DOCK9: variants seen among roughly 807,000 people sequenced by gnomAD.
The protein encoded by DOCK9 is dedicator of cytokinesis 9, also known as dedicator of cytokinesis protein 9.
DOCK9 carries 89 observed loss-of-function variants against 263.3 expected under a neutral mutation model. The ratio of observed to expected loss-of-function variants is 0.34; its 90% CI spans 0.28 to 0.40. DOCK9 has a LOEUF of 0.40. Among genes scored for constraint, DOCK9 ranks in the 10% least tolerant of loss-of-function variants. DOCK9 has a pLI of 1.00. For missense variants in DOCK9, 2,140 were observed against 2,603.4 expected, an observed-to-expected ratio of 0.82 and a Z score of 3.87; for synonymous variants, 976 against 973.1, an observed-to-expected ratio of 1.00 and a Z score of -0.06.
intron 1 of DOCK9, among the ~76,000 whole-genome samples, chr13:98,956,791 T>A (rs754648806): frequency 3.3e-5 from 5 of 152,176 alleles, no homozygotes; most frequent in Non-Finnish European, 5.9e-5. Flanking sequence ...ATATCAATAG[T>A]TACTAGAAGA....
chr13:99,051,112 T>C (rs935218827), intron 1 of DOCK9, among the ~76,000 whole-genome samples: 1 of 152,134 alleles, frequency 6.6e-6, no homozygotes, highest in Non-Finnish European at 1.5e-5. Flanking sequence ...CTGTGTTCTG[T>C]GCAACTTCCA....
upstream of DOCK9, among the ~76,000 whole-genome samples, chr13:98,979,214 T>TAGCAGCAGCAGC (rs1210426316): frequency 5.4e-5 from 7 of 128,484 alleles, no homozygotes; most frequent in African/African-American, 2.1e-4. Context: ...GTAGTAGTAG[T>TAGCAGCAGCAGC]AGTAGTAGTA....
exon 1 of DOCK9, chr13:99,086,459 G>GCGC (rs1354885492): frequency 2.7e-5 from 20 of 739,142 alleles, no homozygotes; most frequent in Non-Finnish European, 2.8e-5. Flanking sequence ...GCCGCTCCCG[G>GCGC]CGCCGCCGCC....
chr13:98,813,832 G>A (rs1052222247), intron 45 of DOCK9, among the ~76,000 whole-genome samples: 1 of 151,860 alleles, frequency 6.6e-6, no homozygotes, highest in African/African-American at 2.4e-5. Flanking sequence ...GTAGAGACAG[G>A]GTTTCTCCAT....
intron 48 of DOCK9, among the ~76,000 whole-genome samples, chr13:98,807,220 C>T (rs760723215): frequency 3.3e-5 from 5 of 152,302 alleles, no homozygotes; most frequent in Non-Finnish European, 5.9e-5. Flanking sequence ...CCCACAGTCA[C>T]GCTGCTGGTG....
In DOCK9 at chr13:98,902,482, A is replaced by C; in HGVS notation, c.1186T>G (p.Phe396Val). 1 of 1,613,808 alleles carries C rather than the reference A, an allele frequency of 6.2e-7. No homozygotes were observed. Among genetic ancestry groups the C allele is most frequent in the Non-Finnish European group, 8.5e-7 (1 of 1,179,812 alleles). ...TCAAACAGGGATAGAGTAACAAAGA[A>C]AGGTTCAACCTGAACAAAACAAAAC... ...EEGPTTNVEP[F>V]FVTLSLFDIK... is the part of the protein sequence containing the mutation. Residue 396 changes from phenylalanine to valine, a missense_variant, in exon 12 of 53, where the codon TTC becomes GTC. Physicochemically the swap from Phe to Val is conservative, Grantham distance 50. Coordinates refer to ENST00000682017, the MANE Select transcript of DOCK9 (RefSeq NM_001366683.2).
intron 27 of DOCK9, among the ~76,000 whole-genome samples, chr13:98,876,166 C>T (rs7330115): frequency 0.52 from 79,671 of 152,096 alleles, 21,312 homozygotes; most frequent in Middle Eastern, 0.6. Flanking sequence ...GCTCCTACAA[C>T]ACTGGTGTGT....
At chr13:98,967,724 T>G (rs1384236808) in intron 1 of DOCK9, among the ~76,000 whole-genome samples, 2 of 152,170 alleles carry the variant, frequency 1.3e-5, no homozygotes, top group Non-Finnish European at 2.9e-5. Context: ...TAACCAGGCT[T>G]TACAATCTCA....
chr13:98,857,193 C>G (rs2093728225), intron 33 of DOCK9: 1 of 152,224 alleles, frequency 6.6e-6, no homozygotes, highest in African/African-American at 2.4e-5. Flanking sequence ...GACTCTGTGT[C>G]TGGCAGCTGT....
intron 7 of DOCK9, among the ~76,000 whole-genome samples, chr13:98,915,969 C>T (rs1466223132): frequency 6.6e-6 from 1 of 152,058 alleles, no homozygotes; most frequent in Non-Finnish European, 1.5e-5. Flanking sequence ...TAAAAGCCAA[C>T]CATTATCTAT....
At chr13:98,839,999 C>A (rs1038599337) in intron 38 of DOCK9, among the ~76,000 whole-genome samples, 4 of 152,184 alleles carry the variant, frequency 2.6e-5, no homozygotes, top group African/African-American at 9.7e-5. Context: ...TCTAAAAAAT[C>A]AGCAGGATTC....
At chr13:98,920,833 T>C (rs1175892399) in intron 7 of DOCK9, 121 bp downstream of exon 7, 12 of 949,922 alleles carry the variant, frequency 1.3e-5, no homozygotes, top group Middle Eastern at 3.4e-4. Context: ...TTTAAAGTTA[T>C]ATGTTATATT....
At chr13:98,854,130 T>A (rs1334713096) in intron 34 of DOCK9, among the ~76,000 whole-genome samples, 3 of 151,918 alleles carry the variant, frequency 2.0e-5, no homozygotes, top group Admixed American at 1.3e-4. Context: ...ACTGATGAGG[T>A]CACTCCCTCA....
At chr13:98,898,118 C>T (rs555085616) in intron 14 of DOCK9, 61 bp downstream of exon 14, 2 of 1,164,492 alleles carry the variant, frequency 1.7e-6, no homozygotes, top group Admixed American at 2.0e-5. Flanking sequence ...CAGAATAGGC[C>T]TATTGACCCA....
chr13:98,962,995 A>G (rs1158395226), intron 1 of DOCK9, among the ~76,000 whole-genome samples: 4 of 152,198 alleles, frequency 2.6e-5, no homozygotes, highest in Admixed American at 1.3e-4. Context: ...CCCATGGGAC[A>G]CTGCTCACAG....
intron 1 of DOCK9, among the ~76,000 whole-genome samples, chr13:99,053,473 ATAATT>A (rs1259155992): frequency 6.6e-6 from 1 of 152,230 alleles, no homozygotes; most frequent in Non-Finnish European, 1.5e-5. Context: ...CAAATTCAAT[ATAATT>A]TAATTAAATG....
At chr13:98,955,088 C>T (rs1481060627) in intron 2 of DOCK9, among the ~76,000 whole-genome samples, 1 of 152,116 alleles carries the variant, frequency 6.6e-6, no homozygotes, top group Non-Finnish European at 1.5e-5. Context: ...GAGGCCAAGG[C>T]AGATAGATCA....
At chr13:98,904,502 C>T in intron 10 of DOCK9, 130 bp downstream of exon 10, 3 of 664,018 alleles carry the variant, frequency 4.5e-6, no homozygotes, top group South Asian at 4.4e-5. Flanking sequence ...TCCTCTTTTC[C>T]CCAAATTTTC....
chr13:98,870,554 G>A (rs2094158441), intron 27 of DOCK9, among the ~76,000 whole-genome samples: 1 of 152,174 alleles, frequency 6.6e-6, no homozygotes, highest in Non-Finnish European at 1.5e-5. Context: ...CAATGGGGCT[G>A]AGTCAATGGC....
Sources: gnomAD v4.1 joint callset for allele counts (sites outside exome capture counted in the v4.1 genomes callset) on GRCh38, gnomAD v4.1.1 for gene constraint, MANE v1.5 for transcripts, NCBI Gene and HGNC (gene_info 2026-07-23, HGNC 2026-07-21) for gene names.